ADAMTS16: variants seen among roughly 807,000 people sequenced by gnomAD.
The protein encoded by ADAMTS16 is A disintegrin and metalloproteinase with thrombospondin motifs 16.
ADAMTS16 carries 94 observed loss-of-function variants against 145.8 expected under a neutral mutation model. The observed-to-expected ratio is 0.64, with a 90% confidence interval of 0.55 to 0.77. ADAMTS16 has a LOEUF of 0.77. Among genes scored for constraint, ADAMTS16 ranks in the 30% least tolerant of loss-of-function variants. The pLI is 0.00. For synonymous variants in ADAMTS16, 659 were observed against 604.3 expected, an observed-to-expected ratio of 1.09 and a Z score of -1.33; for missense variants, 1,585 against 1,591.5, an observed-to-expected ratio of 1.00 and a Z score of 0.07.
intron 20 of ADAMTS16, 83 bp downstream of exon 20, chr5:5,303,849 A>G: frequency 6.8e-7 from 1 of 1,463,558 alleles, no homozygotes; most frequent in Non-Finnish European, 9.3e-7. Flanking sequence ...TTCTCTTCTC[A>G]CTTCTCTCTC....
chr5:5,236,336 A>C (rs1485639984), intron 13 of ADAMTS16, among the ~76,000 whole-genome samples: 1 of 152,094 alleles, frequency 6.6e-6, no homozygotes, highest in Non-Finnish European at 1.5e-5. Flanking sequence ...AAAAGGGGCA[A>C]AATGGTTTGA....
intron 14 of ADAMTS16, among the ~76,000 whole-genome samples, chr5:5,237,366 A>G (rs562472266): frequency 1.3e-4 from 20 of 152,320 alleles, no homozygotes; most frequent in South Asian, 6.2e-4. Context: ...AGAAGGGAAC[A>G]TCCACATCCA....
At chr5:5,234,400 C>T (rs1433141773) in intron 12 of ADAMTS16, among the ~76,000 whole-genome samples, 1 of 152,192 alleles carries the variant, frequency 6.6e-6, no homozygotes, top group Admixed American at 6.5e-5. Context: ...TCAGCCCCTC[C>T]CTGTGCAGGG....
At chr5:5,305,854 G>A (rs1430762604) in intron 20 of ADAMTS16, among the ~76,000 whole-genome samples, 1 of 152,258 alleles carries the variant, frequency 6.6e-6, no homozygotes, top group African/African-American at 2.4e-5. Context: ...CCAGTCTGTG[G>A]TGGGACAGTG....
intron 9 of ADAMTS16, among the ~76,000 whole-genome samples, chr5:5,203,734 G>A (rs1736016662): frequency 1.3e-5 from 2 of 152,126 alleles, no homozygotes; most frequent in Non-Finnish European, 2.9e-5. Flanking sequence ...CATGACAACA[G>A]GGACTCATCT....
chr5:5,213,518 T>C (rs1476072534), intron 10 of ADAMTS16, among the ~76,000 whole-genome samples: 2 of 152,204 alleles, frequency 1.3e-5, no homozygotes, highest in Non-Finnish European at 2.9e-5. Flanking sequence ...TTGAATAGTA[T>C]ATTATTTTAT....
chr5:5,151,289 A>G (rs1734450321), intron 3 of ADAMTS16, among the ~76,000 whole-genome samples: 1 of 151,252 alleles, frequency 6.6e-6, no homozygotes, highest in African/African-American at 2.4e-5. Context: ...CCCAGGCTGG[A>G]GTGCAATTGC....
chr5:5,306,830 G>T, intron 21 of ADAMTS16, 102 bp downstream of exon 21: 3 of 1,177,866 alleles, frequency 2.5e-6, no homozygotes, highest in Non-Finnish European at 3.5e-6. Flanking sequence ...TTTCCCCAAA[G>T]CTGGCCAAGC....
intron 3 of ADAMTS16, among the ~76,000 whole-genome samples, chr5:5,146,825 T>C (rs1467609894): frequency 6.6e-6 from 1 of 152,194 alleles, no homozygotes; most frequent in Non-Finnish European, 1.5e-5. Context: ...TCATTTTGAA[T>C]AAAACAACAC....
rs919542104 is a variant in ADAMTS16, at chr5:5,310,662, G to A, written c.3411+3934G>A. 6.6e-5 allele frequency among the ~76,000 whole-genome samples: 10 copies of A among 152,270 alleles called. No individual in the cohort carries two copies. In the East Asian group the frequency reaches 7.7e-4, roughly 12 times the overall value. ...TGACAAAGAACACCGAGGACTGCCA[G>A]CACCACCAGATTCTGCACCAGGCAT... On this transcript the variant is annotated intron_variant, in intron 21 of 22. Transcript: ENST00000274181. The surrounding 1 kb of genome is among the most constrained non-coding windows in gnomAD (Gnocchi z 4.3).
At chr5:5,315,339 G>T (rs1483154935) in intron 21 of ADAMTS16, among the ~76,000 whole-genome samples, 2 of 152,062 alleles carry the variant, frequency 1.3e-5, no homozygotes, top group Non-Finnish European at 2.9e-5. Flanking sequence ...ATGTGATTTG[G>T]GTGGGGACAC....
chr5:5,178,755 C>T (rs980317090), intron 3 of ADAMTS16, among the ~76,000 whole-genome samples: 5 of 152,140 alleles, frequency 3.3e-5, no homozygotes, highest in Admixed American at 2.6e-4. Flanking sequence ...CACCCTGGGC[C>T]ACCCAGAATG....
chr5:5,282,086 T>G (rs1738939390), intron 18 of ADAMTS16, among the ~76,000 whole-genome samples: 1 of 149,844 alleles, frequency 6.7e-6, no homozygotes, highest in African/African-American at 2.5e-5. Flanking sequence ...CCGACCCTCA[T>G]GAGTGGCTGG....
intron 17 of ADAMTS16, among the ~76,000 whole-genome samples, chr5:5,259,034 G>A (rs147529666): frequency 1.3e-3 from 201 of 152,270 alleles, no homozygotes; most frequent in African/African-American, 4.5e-3. Flanking sequence ...GGGGCACATT[G>A]TTGCCCACCC....
intron 3 of ADAMTS16, among the ~76,000 whole-genome samples, chr5:5,161,608 T>C (rs1400704784): frequency 6.6e-6 from 1 of 152,246 alleles, no homozygotes; most frequent in African/African-American, 2.4e-5. Flanking sequence ...GGATAATTTC[T>C]TTTGTGATGA....
At chr5:5,231,083 T>C (rs74384740) in intron 11 of ADAMTS16, among the ~76,000 whole-genome samples, 154 of 152,238 alleles carry the variant, frequency 1.0e-3, no homozygotes, top group African/African-American at 3.5e-3. Flanking sequence ...GCAACCTCAC[T>C]CCTGTCCCCA....
chr5:5,193,051 C>G (rs1735706037), intron 8 of ADAMTS16, among the ~76,000 whole-genome samples: 1 of 151,856 alleles, frequency 6.6e-6, no homozygotes, highest in Non-Finnish European at 1.5e-5. Flanking sequence ...AAAGGAAAAC[C>G]AAGGCAAGTG....
intron 12 of ADAMTS16, among the ~76,000 whole-genome samples, chr5:5,233,052 A>C (rs1736987891): frequency 6.6e-6 from 1 of 152,184 alleles, no homozygotes; most frequent in South Asian, 2.1e-4. Flanking sequence ...AAATAACAGC[A>C]GCAACAGTGA....
intron 9 of ADAMTS16, among the ~76,000 whole-genome samples, chr5:5,201,162 TC>T (rs1275425989): frequency 4.6e-5 from 7 of 152,064 alleles, no homozygotes; most frequent in Non-Finnish European, 8.8e-5. Context: ...ACTGCAGCCA[TC>T]CGGGGACTGA....
Sources: gnomAD v4.1 joint callset for allele counts (sites outside exome capture counted in the v4.1 genomes callset) on GRCh38, gnomAD v4.1.1 for gene constraint, Gnocchi (gnomAD v3.1) non-coding constraint, MANE v1.5 for transcripts, NCBI Gene and HGNC (gene_info 2026-07-23, HGNC 2026-07-21) for gene names.